The following MACROD2 variants were observed in gnomAD, a reference collection of about 807,000 sequenced individuals.
The protein encoded by MACROD2 is ADP-ribose glycohydrolase MACROD2.
In MACROD2, 36 loss-of-function variants were observed where a neutral mutation model predicts 70.4. The ratio of observed to expected loss-of-function variants is 0.51; its 90% CI spans 0.39 to 0.68. The LOEUF (loss-of-function observed/expected upper bound fraction) is 0.68. Ranked by LOEUF, MACROD2 falls within the 30% of genes least tolerant of loss-of-function variation. The pLI is 0.00. For synonymous variants in MACROD2, 172 were observed against 178.8 expected, an observed-to-expected ratio of 0.96 and a Z score of 0.30; for missense variants, 496 against 538.4, an observed-to-expected ratio of 0.92 and a Z score of 0.78.
intron 8 of MACROD2, among the ~76,000 whole-genome samples, chr20:15,649,626 A>G (rs60475826): frequency 6.6e-6 from 1 of 152,114 alleles, no homozygotes; most frequent in East Asian, 1.9e-4. Flanking sequence ...TTAGGTTGCT[A>G]TGTGGCAATT....
intron 3 of MACROD2, among the ~76,000 whole-genome samples, chr20:14,364,628 G>T (rs1298090915): frequency 6.6e-6 from 1 of 152,044 alleles, no homozygotes; most frequent in Non-Finnish European, 1.5e-5. Context: ...CCTTCCCTTA[G>T]CTCCCAGAAA....
intron 4 of MACROD2, among the ~76,000 whole-genome samples, chr20:14,577,688 AG>A (rs1980688299): frequency 6.6e-6 from 1 of 152,062 alleles, no homozygotes; most frequent in East Asian, 1.9e-4. Context: ...AGGCTGAGGG[AG>A]GACGATCACT....
chr20:15,868,633 C>T (rs554647025), intron 9 of MACROD2, among the ~76,000 whole-genome samples: 3 of 136,960 alleles, frequency 2.2e-5, no homozygotes, highest in South Asian at 4.7e-4. Flanking sequence ...AGTTTGGTGA[C>T]CATTGGTTGA....
At chr20:15,362,178 GT>G (rs1451718716) in intron 6 of MACROD2, among the ~76,000 whole-genome samples, 2 of 151,712 alleles carry the variant, frequency 1.3e-5, no homozygotes, top group Non-Finnish European at 2.9e-5. Flanking sequence ...CACCCAGTGA[GT>G]TTTTATATTT....
chr20:15,383,799 A>G (rs1462850034), intron 6 of MACROD2, among the ~76,000 whole-genome samples: 1 of 152,116 alleles, frequency 6.6e-6, no homozygotes, highest in African/African-American at 2.4e-5. Context: ...TCATTTATCT[A>G]TTTGTCATAA....
intron 8 of MACROD2, among the ~76,000 whole-genome samples, chr20:15,585,841 G>A (rs1436669068): frequency 6.6e-6 from 1 of 151,806 alleles, no homozygotes; most frequent in Non-Finnish European, 1.5e-5. Context: ...GTATCTCAGG[G>A]TGTGCTTCTG....
At chr20:14,488,999 G>A (rs2084764736) in intron 3 of MACROD2, among the ~76,000 whole-genome samples, 1 of 152,076 alleles carries the variant, frequency 6.6e-6, no homozygotes, top group African/African-American at 2.4e-5. Flanking sequence ...TTAGTAGTAG[G>A]GGTCATTGTA....
At chr20:15,251,514 C>T (rs536588652) in intron 6 of MACROD2, among the ~76,000 whole-genome samples, 17 of 152,294 alleles carry the variant, frequency 1.1e-4, no homozygotes, top group African/African-American at 4.1e-4. Context: ...CCCCTATATT[C>T]CTTAATGAAG....
chr20:14,794,888 G>A (rs760854227), intron 5 of MACROD2, among the ~76,000 whole-genome samples: 1 of 152,006 alleles, frequency 6.6e-6, no homozygotes, highest in Non-Finnish European at 1.5e-5. Context: ...AAAAAACTGA[G>A]TTATTTTGGG....
At chr20:15,535,194 C>T (rs2047857964) in intron 8 of MACROD2, among the ~76,000 whole-genome samples, 1 of 152,082 alleles carries the variant, frequency 6.6e-6, no homozygotes, top group African/African-American at 2.4e-5. Context: ...CCAGATTAGT[C>T]TTGAACTTGC....
intron 5 of MACROD2, among the ~76,000 whole-genome samples, chr20:15,077,051 C>T (rs1366070680): frequency 6.6e-6 from 1 of 152,054 alleles, no homozygotes; most frequent in Non-Finnish European, 1.5e-5. Context: ...GGCAGTTAGC[C>T]AGAATAGGGA....
intron 6 of MACROD2, among the ~76,000 whole-genome samples, chr20:15,267,168 C>T (rs975873988): frequency 3.9e-5 from 6 of 152,110 alleles, no homozygotes; most frequent in Non-Finnish European, 7.3e-5. Context: ...CATTCCATCC[C>T]CCTCTCCTCT....
At chr20:14,896,464 G>A (rs184346083) in intron 5 of MACROD2, among the ~76,000 whole-genome samples, 17 of 152,136 alleles carry the variant, frequency 1.1e-4, no homozygotes, top group Non-Finnish European at 2.1e-4. Flanking sequence ...GTTTAACAGC[G>A]TAGTTACAGT....
chr20:15,850,073 G>A (rs1386672850), intron 8 of MACROD2, among the ~76,000 whole-genome samples: 1 of 152,084 alleles, frequency 6.6e-6, no homozygotes, highest in East Asian at 1.9e-4. Flanking sequence ...AGATGAAGTG[G>A]ATATCTGACC....
At chr20:14,644,359 G>A (rs544885120) in intron 4 of MACROD2, among the ~76,000 whole-genome samples, 1 of 152,140 alleles carries the variant, frequency 6.6e-6, no homozygotes, top group East Asian at 1.9e-4. Flanking sequence ...TTCAAAGCTT[G>A]TTTGCTATAA....
intron 5 of MACROD2, among the ~76,000 whole-genome samples, chr20:15,052,466 C>T (rs932866342): frequency 2.0e-5 from 3 of 152,186 alleles, no homozygotes. Context: ...CTCAATATCT[C>T]AAACTTTTTT....
chr20:14,417,689 G>T (rs2083825464), intron 3 of MACROD2, among the ~76,000 whole-genome samples: 1 of 152,128 alleles, frequency 6.6e-6, no homozygotes, highest in Non-Finnish European at 1.5e-5. Context: ...ACTTTGTGTA[G>T]GTTTTCCACA....
At chr20:15,693,039 C>T (rs75336080) in intron 8 of MACROD2, among the ~76,000 whole-genome samples, 3,200 of 152,228 alleles carry the variant, frequency 0.021, 134 homozygotes, top group African/African-American at 0.071. Context: ...TTCCCCTTTG[C>T]CCTCCGCCAT....
chr20:15,999,427 G>A (rs564265442), intron 15 of MACROD2, among the ~76,000 whole-genome samples: 35 of 152,246 alleles, frequency 2.3e-4, no homozygotes, highest in South Asian at 6.2e-4. Flanking sequence ...TTCTGTGTGC[G>A]CTTGAAAAGA....
Sources: gnomAD v4.1 joint callset for allele counts (sites outside exome capture counted in the v4.1 genomes callset) on GRCh38, gnomAD v4.1.1 for gene constraint, MANE v1.5 for transcripts, NCBI Gene and HGNC (gene_info 2026-07-23, HGNC 2026-07-21) for gene names.